ZNF385D: variants seen among roughly 807,000 people sequenced by gnomAD.
ZNF385D encodes the protein zinc finger protein 385D.
Under a neutral mutation model 35.8 loss-of-function variants are expected in ZNF385D, and 15 were observed. The ratio of observed to expected loss-of-function variants is 0.42; its 90% CI spans 0.28 to 0.64. The LOEUF is 0.64. Ranked by LOEUF, ZNF385D falls within the 30% of genes least tolerant of loss-of-function variation. The probability of loss-of-function intolerance (pLI) is 0.23; values close to 1 mark genes in which losing one functional copy is unlikely to be tolerated. For synonymous variants in ZNF385D, 212 were observed against 186.8 expected (o/e 1.13, Z -1.10); for missense variants, 474 against 494.6 (o/e 0.96, Z 0.39).
chr3:21,517,430 C>T lies in ZNF385D; in HGVS notation c.277-6407G>A, dbSNP rs144321029. ...TCCTTACTGCCTAAGTGCTGCAACA[C>T]CCCAAACCCATGGCCAGCAATGTGT... On this transcript the variant is annotated intron_variant, in intron 3 of 7. Coordinates refer to ENST00000281523, the MANE Select transcript of ZNF385D (RefSeq NM_024697.3). Among the ~76,000 whole-genome samples, 939 of 152,268 alleles carry T rather than the reference C, an allele frequency of 6.2e-3. 5 individuals are homozygous for T. The highest frequency in any genetic ancestry group is 9.1e-3 in the Non-Finnish European group (622 of 68,022).
At chr3:21,723,784 C>A (rs549774275) in intron 1 of ZNF385D, among the ~76,000 whole-genome samples, 1 of 152,222 alleles carries the variant, frequency 6.6e-6, no homozygotes, top group South Asian at 2.1e-4. Context: ...CATTCAAATT[C>A]AGGGAATACA....
At chr3:21,866,547 G>A (rs1400418011) in intron 3 of ZNF385D, among the ~76,000 whole-genome samples, 1 of 152,156 alleles carries the variant, frequency 6.6e-6, no homozygotes, top group Non-Finnish European at 1.5e-5. Flanking sequence ...CTCAACTGGA[G>A]CAAGGGCTCA....
intron 4 of ZNF385D, among the ~76,000 whole-genome samples, chr3:21,475,107 A>T (rs1704148752): frequency 6.6e-6 from 1 of 152,066 alleles, no homozygotes; most frequent in African/African-American, 2.4e-5. Flanking sequence ...GGTTAGGGAA[A>T]TAATTGTTTT....
At chr3:21,971,265 C>T (rs1404763372) in intron 3 of ZNF385D, among the ~76,000 whole-genome samples, 1 of 151,916 alleles carries the variant, frequency 6.6e-6, no homozygotes, top group African/African-American at 2.4e-5. Flanking sequence ...ACTACAACAA[C>T]TTAAGACATA....
intron 3 of ZNF385D, among the ~76,000 whole-genome samples, chr3:21,942,972 C>T (rs77058765): frequency 0.011 from 1,697 of 152,164 alleles, 39 homozygotes; most frequent in African/African-American, 0.038. Context: ...CTTCTAGGTC[C>T]ACACTGGAAT....
At chr3:21,590,711 G>T (rs2125731178) in intron 2 of ZNF385D, among the ~76,000 whole-genome samples, 2 of 152,126 alleles carry the variant, frequency 1.3e-5, no homozygotes, top group Admixed American at 1.3e-4. Context: ...AGCGGAGGAT[G>T]TAGTATTAAA....
chr3:22,247,106 T>C (rs963264525), intron 2 of ZNF385D, among the ~76,000 whole-genome samples: 1 of 152,270 alleles, frequency 6.6e-6, no homozygotes, highest in Admixed American at 6.5e-5. Flanking sequence ...TTTAAATTCC[T>C]GGGCATCAGG....
chr3:21,724,477 CAAAAAAAAAAAAAAAAAAAAAA>C (rs200803155), intron 1 of ZNF385D, among the ~76,000 whole-genome samples: 10 of 52,016 alleles, frequency 1.9e-4, no homozygotes, highest in Non-Finnish European at 2.6e-4. Flanking sequence ...AATGGAAAGC[CAAAAAAAAAAAAAAAAAAAAAA>C]AAAAAAAAAA....
chr3:22,134,638 T>G (rs1703997583), intron 3 of ZNF385D, among the ~76,000 whole-genome samples: 1 of 152,162 alleles, frequency 6.6e-6, no homozygotes, highest in African/African-American at 2.4e-5. Flanking sequence ...TTTAGTTCAT[T>G]TTGTGCTACT....
intron 3 of ZNF385D, among the ~76,000 whole-genome samples, chr3:22,076,805 T>A (rs374126708): frequency 2.6e-5 from 4 of 152,088 alleles, no homozygotes; most frequent in African/African-American, 9.6e-5. Context: ...GGACAAAATA[T>A]TTGAAGTTCA....
At chr3:21,724,551 A>G (rs1412735354) in intron 1 of ZNF385D, among the ~76,000 whole-genome samples, 1 of 150,276 alleles carries the variant, frequency 6.7e-6, no homozygotes, top group Non-Finnish European at 1.5e-5. Context: ...CTGATCAAAC[A>G]GACTTTAAAC....
chr3:22,095,777 C>G (rs1332617286), intron 3 of ZNF385D, among the ~76,000 whole-genome samples: 1 of 151,664 alleles, frequency 6.6e-6, no homozygotes, highest in Non-Finnish European at 1.5e-5. Context: ...AGCATTTCTA[C>G]TGTTCAATAA....
intron 2 of ZNF385D, among the ~76,000 whole-genome samples, chr3:22,181,558 C>T (rs78386606): frequency 6.6e-6 from 1 of 151,992 alleles, no homozygotes; most frequent in Non-Finnish European, 1.5e-5. Flanking sequence ...ATTAGCCGGT[C>T]GCAGTGGCGG....
At chr3:21,561,384 C>T (rs897110141) in intron 3 of ZNF385D, among the ~76,000 whole-genome samples, 2 of 152,196 alleles carry the variant, frequency 1.3e-5, no homozygotes, top group Admixed American at 1.3e-4. Context: ...TCACAGCTTC[C>T]CTTGGCTAGG....
intron 3 of ZNF385D, among the ~76,000 whole-genome samples, chr3:21,892,546 C>G (rs259524): frequency 0.13 from 19,763 of 152,148 alleles, 1,597 homozygotes; most frequent in Middle Eastern, 0.17. Context: ...GTAAGCATGA[C>G]TTTTCTCAAA....
At chr3:22,321,491 G>C (rs893138542) in intron 2 of ZNF385D, among the ~76,000 whole-genome samples, 1 of 151,712 alleles carries the variant, frequency 6.6e-6, no homozygotes, top group Non-Finnish European at 1.5e-5. Flanking sequence ...TCAGCCTCTC[G>C]AGTAGCTGGG....
At chr3:22,032,619 T>C (rs1698070262) in intron 3 of ZNF385D, among the ~76,000 whole-genome samples, 1 of 152,148 alleles carries the variant, frequency 6.6e-6, no homozygotes, top group African/African-American at 2.4e-5. Flanking sequence ...GTGACTTTCT[T>C]AGCGCTAAGG....
At chr3:22,324,062 G>A (rs1374592349) in intron 2 of ZNF385D, among the ~76,000 whole-genome samples, 2 of 151,748 alleles carry the variant, frequency 1.3e-5, no homozygotes, top group Non-Finnish European at 3.0e-5. Context: ...AATGACATTT[G>A]ATAAAATTCC....
chr3:21,819,756 ATAAT>A (rs2073318614), intron 3 of ZNF385D, among the ~76,000 whole-genome samples: 1 of 85,856 alleles, frequency 1.2e-5, no homozygotes, highest in Non-Finnish European at 2.5e-5. Flanking sequence ...ACACGTACAC[ATAAT>A]TATATATAAT....
Sources: allele counts gnomAD v4.1 joint callset (sites outside exome capture counted in the v4.1 genomes callset), GRCh38; gene constraint gnomAD v4.1.1; transcripts MANE v1.5; gene names NCBI Gene and HGNC (gene_info 2026-07-23, HGNC 2026-07-21).